Variants in CUL3 observed in about 807,000 individuals in gnomAD.
CUL3 encodes the protein cullin-3.
CUL3 carries 19 observed loss-of-function variants against 89.1 expected under a neutral mutation model. The ratio of observed to expected loss-of-function variants is 0.21; its 90% CI spans 0.15 to 0.31. The LOEUF (loss-of-function observed/expected upper bound fraction) is 0.31. CUL3 is among the 10% of genes least tolerant of loss of function. CUL3 has a pLI of 1.00. For synonymous variants in CUL3, 351 were observed against 308.4 expected (o/e 1.14, Z -1.45); for missense variants, 469 against 942.3 (o/e 0.50, Z 6.58).
At chr2:224,509,464 G>C (rs1692731701) in intron 6 of CUL3, among the ~76,000 whole-genome samples, 1 of 152,164 alleles carries the variant, frequency 6.6e-6, no homozygotes, top group Non-Finnish European at 1.5e-5. Context: ...CGATCCACCT[G>C]CTTCAGCCTC....
chr2:224,500,205 A>C, intron 11 of CUL3, 158 bp downstream of exon 11: 1 of 742,246 alleles, frequency 1.3e-6, no homozygotes, highest in Non-Finnish European at 2.2e-6. Context: ...GATCCTATAG[A>C]GGGGGAAATT....
At chr2:224,482,962 G>C (rs1343349960) in intron 13 of CUL3, among the ~76,000 whole-genome samples, 1 of 152,156 alleles carries the variant, frequency 6.6e-6, no homozygotes, top group African/African-American at 2.4e-5. Flanking sequence ...GATTATACGA[G>C]TAACTGATCT....
chr2:224,496,111 G>C, intron 12 of CUL3, 145 bp from the exon 13 acceptor site: 1 of 774,570 alleles, frequency 1.3e-6, no homozygotes. Context: ...GCTCACTGCA[G>C]CCTCAACCTC....
chr2:224,498,692 A>C (rs768632635), intron 11 of CUL3, among the ~76,000 whole-genome samples: 2 of 152,166 alleles, frequency 1.3e-5, no homozygotes, highest in African/African-American at 2.4e-5. Context: ...TCACTATTAC[A>C]ATAAGGATCA....
rs557537940 is a variant in CUL3, at chr2:224,556,095, T to C, written c.264+1564A>G. Among the ~76,000 whole-genome samples the C allele has an allele frequency of 2.8e-4, 43 of 152,182 alleles. 1 individual carries two copies. The highest frequency in any genetic ancestry group is 3.9e-4 in the Admixed American group (6 of 15,274). ...AACTGCGTGGCTCATGTAATTCCCT[T>C]TAAGAGAAAGAAATTACAGAAGAAA... On this transcript the variant is annotated intron_variant, in intron 2 of 15. Transcript: ENST00000264414.
intron 4 of CUL3, 61 bp from the exon 5 acceptor site, chr2:224,513,699 T>A (rs1574646018): frequency 8.3e-7 from 1 of 1,206,904 alleles, no homozygotes; most frequent in Non-Finnish European, 1.2e-6. Flanking sequence ...CACATAAAAA[T>A]TACAAAAAGG....
At chr2:224,501,671 T>C (rs1478800448) in intron 10 of CUL3, among the ~76,000 whole-genome samples, 1 of 152,154 alleles carries the variant, frequency 6.6e-6, no homozygotes, top group Non-Finnish European at 1.5e-5. Flanking sequence ...TAAACTTGGA[T>C]GATGCACAGA....
chr2:224,520,613 A>G (rs574107100), intron 3 of CUL3, among the ~76,000 whole-genome samples: 5 of 152,346 alleles, frequency 3.3e-5, no homozygotes, highest in Admixed American at 1.3e-4. Context: ...GCAGGTCTCC[A>G]GGAGTTGGAC....
At chr2:224,487,328 G>A (rs1269544014) in intron 13 of CUL3, among the ~76,000 whole-genome samples, 2 of 150,932 alleles carry the variant, frequency 1.3e-5, no homozygotes, top group Non-Finnish European at 2.9e-5. Context: ...TGGCAAATTG[G>A]ATAAAGAGTC....
intron 12 of CUL3, 146 bp from the exon 13 acceptor site, chr2:224,496,112 C>A: frequency 1.3e-6 from 1 of 763,200 alleles, no homozygotes; most frequent in Non-Finnish European, 2.1e-6. Context: ...CTCACTGCAG[C>A]CTCAACCTCC....
Position 224,554,406 on chromosome 2 carries a change from C to T in CUL3, c.264+3253G>A, listed in dbSNP as rs114442980. On this transcript the variant is annotated intron_variant, in intron 2 of 15. Coordinates refer to ENST00000264414, the MANE Select transcript of CUL3 (RefSeq NM_003590.5). ...TAGAATTTAAAGGACTGGAGGTTTA[C>T]AGACAGTAAGTCCATTAACTTGAAG... Among the ~76,000 whole-genome samples, 208 of 152,278 alleles carry T rather than the reference C, an allele frequency of 1.4e-3. 1 individual carries two copies. Among genetic ancestry groups the T allele is most frequent in the Middle Eastern group, 3.4e-3 (1 of 294 alleles).
At position 224,471,734 on chromosome 2, in the gene CUL3, C is replaced by CTAA. The variant is rs1559330776; in HGVS notation, c.*2510_*2511insTTA. On this transcript the variant is annotated 3_prime_UTR_variant, in exon 16 of 16. Transcript: ENST00000264414. ...TCCCTAATTGCAATGAATTTTCAGT[C>CTAA]TTTAAATAATGTTAACGATTCAAAA... 2 of 224,484 alleles carry CTAA rather than the reference C, an allele frequency of 8.9e-6. No homozygotes were observed. The highest frequency in any genetic ancestry group is 1.1e-4 in the Admixed American group (2 of 17,472). The allele number at this position is 224,484 out of a possible 1,614,324, so 13.9% of individuals were successfully genotyped here.
At chr2:224,561,322 C>T (rs1457760703) in intron 1 of CUL3, among the ~76,000 whole-genome samples, 1 of 152,190 alleles carries the variant, frequency 6.6e-6, no homozygotes, top group African/African-American at 2.4e-5. Context: ...TCTGCATTTA[C>T]AACCTAAGCA....
At chr2:224,501,300 A>G (rs1304110605) in intron 10 of CUL3, among the ~76,000 whole-genome samples, 1 of 152,250 alleles carries the variant, frequency 6.6e-6, no homozygotes, top group Non-Finnish European at 1.5e-5. Context: ...ATACAGATCC[A>G]GTGCTATAAC....
At chr2:224,583,741 G>A (rs778937510) in intron 1 of CUL3, among the ~76,000 whole-genome samples, 2 of 152,192 alleles carry the variant, frequency 1.3e-5, no homozygotes, top group Non-Finnish European at 2.9e-5. Flanking sequence ...AATTCAGAGA[G>A]GTCCTCATGT....
intron 5 of CUL3, among the ~76,000 whole-genome samples, chr2:224,512,640 G>C (rs1412539581): frequency 6.6e-6 from 1 of 152,038 alleles, no homozygotes; most frequent in Admixed American, 6.5e-5. Flanking sequence ...TCTATCAATA[G>C]TACCATTGGC....
At chr2:224,577,728 G>A (rs908347507) in intron 1 of CUL3, among the ~76,000 whole-genome samples, 1 of 152,128 alleles carries the variant, frequency 6.6e-6, no homozygotes, top group Admixed American at 6.5e-5. Context: ...ATTCTCTACA[G>A]ACTATTCATA....
intron 3 of CUL3, among the ~76,000 whole-genome samples, chr2:224,521,048 T>A (rs1693241502): frequency 6.6e-6 from 1 of 152,094 alleles, no homozygotes; most frequent in Non-Finnish European, 1.5e-5. Context: ...AAAGTTAAAA[T>A]AAAAACAAAT....
At chr2:224,532,509 T>C (rs1693732882) in intron 3 of CUL3, among the ~76,000 whole-genome samples, 1 of 150,854 alleles carries the variant, frequency 6.6e-6, no homozygotes, top group Non-Finnish European at 1.5e-5. Context: ...CTCTCTATTC[T>C]GAGATGAAAA....
Sources: gnomAD v4.1 joint callset for allele counts (sites outside exome capture counted in the v4.1 genomes callset) on GRCh38, gnomAD v4.1.1 for gene constraint, MANE v1.5 for transcripts, NCBI Gene and HGNC (gene_info 2026-07-23, HGNC 2026-07-21) for gene names.